MROH9: variants seen among roughly 807,000 people sequenced by gnomAD.
MROH9 encodes maestro heat-like repeat-containing protein family member 9.
MROH9 carries 92 observed loss-of-function variants against 98.2 expected under a neutral mutation model. The observed-to-expected ratio is 0.94, with a 90% CI of 0.79 to 1.11. The LOEUF (loss-of-function observed/expected upper bound fraction) is 1.11. MROH9 is among the 50% of genes most tolerant of loss of function. MROH9 has a pLI of 0.00. For synonymous variants in MROH9, 397 were observed against 368.9 expected (o/e 1.08, Z -0.87); for missense variants, 1,057 against 1,014.8 (o/e 1.04, Z -0.57).
intron 20 of MROH9, among the ~76,000 whole-genome samples, chr1:171,044,970 A>ATTTT (rs1162985944): frequency 2.4e-5 from 1 of 41,356 alleles, no homozygotes; most frequent in Non-Finnish European, 5.3e-5. Flanking sequence ...TTCTGCTCTG[A>ATTTT]TCTTTTTTTT....
At chr1:171,000,792 T>C (rs1651757546) in intron 15 of MROH9, among the ~76,000 whole-genome samples, 1 of 152,178 alleles carries the variant, frequency 6.6e-6, no homozygotes, top group African/African-American at 2.4e-5. Context: ...CTCAATCTTG[T>C]GGAATAGTGT....
chr1:171,044,202 T>C (rs1653394057), intron 20 of MROH9, among the ~76,000 whole-genome samples: 1 of 152,212 alleles, frequency 6.6e-6, no homozygotes, highest in Non-Finnish European at 1.5e-5. Context: ...AAATGCTTCT[T>C]CAGCATCAAT....
At chr1:170,960,489 T>G (rs934521479) in intron 5 of MROH9, among the ~76,000 whole-genome samples, 1 of 152,220 alleles carries the variant, frequency 6.6e-6, no homozygotes, top group Non-Finnish European at 1.5e-5. Context: ...TACATATATT[T>G]TATATATCAG....
intron 20 of MROH9, among the ~76,000 whole-genome samples, chr1:171,027,294 A>G (rs556435866): frequency 6.6e-6 from 1 of 152,232 alleles, no homozygotes; most frequent in African/African-American, 2.4e-5. Context: ...TATGAGTGAG[A>G]ACATGTGGTA....
At chr1:170,979,451 C>T (rs1006684503) in intron 8 of MROH9, among the ~76,000 whole-genome samples, 8 of 151,966 alleles carry the variant, frequency 5.3e-5, no homozygotes, top group East Asian at 1.9e-4. Flanking sequence ...CAATAAATTG[C>T]GTTTGGAAAA....
chr1:171,031,567 G>T (rs1652915174), intron 20 of MROH9, among the ~76,000 whole-genome samples: 1 of 152,102 alleles, frequency 6.6e-6, no homozygotes, highest in Non-Finnish European at 1.5e-5. Context: ...GAAATTCTGG[G>T]TTGAAAATTC....
chr1:171,003,724 G>A (rs1484823548), intron 15 of MROH9, among the ~76,000 whole-genome samples: 1 of 152,196 alleles, frequency 6.6e-6, no homozygotes, highest in East Asian at 1.9e-4. Flanking sequence ...TTGGCCTCCT[G>A]GCAGGAGATG....
At chr1:171,045,408 C>G (rs77810568) in intron 20 of MROH9, among the ~76,000 whole-genome samples, 1,862 of 152,114 alleles carry the variant, frequency 0.012, 33 homozygotes, top group African/African-American at 0.041. Flanking sequence ...GGTTTTTCCT[C>G]TTTTTTGATA....
intron 8 of MROH9, among the ~76,000 whole-genome samples, chr1:170,974,537 A>AT (rs1413053486): frequency 6.6e-6 from 1 of 152,130 alleles, no homozygotes. Flanking sequence ...AGAAAAAAAA[A>AT]GTCAATCTAG....
rs554391608 is a variant in MROH9 at position 171,028,001 on chromosome 1, C to CT, written c.2281+2584dup. The stretch of plus-strand genomic sequence containing the variant: ...CCATTCTGTAGGTTGCCTGTTCAGT[C>CT]TTTGTCTTTTGCTGTGCAGAAGCTG... On this transcript the variant is annotated intron_variant, in intron 20 of 21. Transcript: ENST00000367759. Among the ~76,000 whole-genome samples the CT allele has an allele frequency of 2.3e-3, 349 of 151,978 alleles. 2 individuals carry two copies. The highest frequency in any genetic ancestry group is 7.9e-3 in the African/African-American group (327 of 41,510).
chr1:170,944,382 TAAC>T (rs79000299), intron 1 of MROH9, among the ~76,000 whole-genome samples: 17 of 151,538 alleles, frequency 1.1e-4, no homozygotes, highest in South Asian at 4.2e-4. Flanking sequence ...TATTTAAAGG[TAAC>T]AACAACAACA....
intron 8 of MROH9, among the ~76,000 whole-genome samples, chr1:170,976,155 A>C (rs1051515247): frequency 6.6e-6 from 1 of 151,974 alleles, no homozygotes; most frequent in Non-Finnish European, 1.5e-5. Flanking sequence ...TTTACCTTCA[A>C]GGTTTGTGTT....
chr1:170,970,739 AG>A lies in MROH9; in HGVS notation c.481-1008del, dbSNP rs1557878776. On this transcript the variant is annotated intron_variant, in intron 7 of 21. Transcript: ENST00000367759. Reference sequence around the variant, plus strand: ...GTGTGTGTGTGTGTGTGTGAGAGAGAGAGAGAGAGAGAGAGAGAGAGAGAGA... The same window carrying A: ...GTGTGTGTGTGTGTGTGTGAGAGAGAAGAGAGAGAGAGAGAGAGAGAGAGA... 5.6e-4 allele frequency among the ~76,000 whole-genome samples: 60 copies of A among 106,804 alleles called. 1 individual carries two copies. Among genetic ancestry groups the A allele is most frequent in the South Asian group, 2.9e-3 (10 of 3,468 alleles). 70.1% of individuals were successfully genotyped at this position (106,804 alleles called of 152,430 possible). A position where few individuals can be genotyped will look rare whatever the true frequency, so the allele number is the denominator to read the frequency against.
At chr1:171,017,411 G>A (rs973200340) in intron 17 of MROH9, among the ~76,000 whole-genome samples, 5 of 152,218 alleles carry the variant, frequency 3.3e-5, no homozygotes, top group East Asian at 3.9e-4. Context: ...CTGGGAAAAC[G>A]TGTTTTTTCC....
intron 14 of MROH9, 137 bp from the exon 15 acceptor site, chr1:170,998,017 G>A: frequency 1.5e-6 from 1 of 653,156 alleles, no homozygotes. Flanking sequence ...ATTCATAGTG[G>A]GACAATTTAT....
chr1:171,006,679 T>C (rs1237489351), intron 15 of MROH9, among the ~76,000 whole-genome samples: 1 of 151,554 alleles, frequency 6.6e-6, no homozygotes, highest in African/African-American at 2.4e-5. Context: ...TTTTTCTTTT[T>C]TTTTTTTTTG....
At chr1:170,943,889 G>T (rs56259076) in intron 1 of MROH9, among the ~76,000 whole-genome samples, 2,621 of 152,100 alleles carry the variant, frequency 0.017, 37 homozygotes, top group South Asian at 0.043. Flanking sequence ...AATGGGGAAA[G>T]TCTGGCAGTA....
chr1:171,012,546 A>G (rs1571501558), intron 15 of MROH9, among the ~76,000 whole-genome samples: 1 of 131,272 alleles, frequency 7.6e-6, no homozygotes, highest in African/African-American at 3.1e-5. Context: ...TCCGTCACCC[A>G]GGCTAGAGTG....
In MROH9 at chr1:171,016,742, G is replaced by A. The variant is rs371134662; in HGVS notation, c.1908+406G>A. Among the ~76,000 whole-genome samples the A allele has an allele frequency of 8.6e-4, 131 of 152,044 alleles. 1 individual carries two copies. The highest frequency in any genetic ancestry group is 2.8e-3 in the African/African-American group (118 of 41,480). ...AGCAATAGTGACATAAACAATATTA[G>A]GTTTATTATAAGAATTAGATTTGAT... On this transcript the variant is annotated intron_variant, in intron 17 of 21. Transcript: ENST00000367759.
Sources: gnomAD v4.1 joint callset for allele counts (sites outside exome capture counted in the v4.1 genomes callset) on GRCh38, gnomAD v4.1.1 for gene constraint, MANE v1.5 for transcripts, NCBI Gene and HGNC (gene_info 2026-07-23, HGNC 2026-07-21) for gene names.